The following ERBB4 variants were observed in gnomAD, a reference collection of about 807,000 sequenced individuals.
The protein encoded by ERBB4 is receptor tyrosine-protein kinase erbB-4.
ERBB4 carries 42 observed loss-of-function variants against 158.0 expected under a neutral mutation model. That is an observed-to-expected ratio of 0.27 (90% CI 0.21 to 0.34). The LOEUF is 0.34. ERBB4 is among the 10% of genes least tolerant of loss of function. The probability of loss-of-function intolerance (pLI) is 1.00; values close to 1 mark genes in which losing one functional copy is unlikely to be tolerated. For missense variants in ERBB4, 1,333 were observed against 1,624.1 expected, an observed-to-expected ratio of 0.82 and a Z score of 3.08; for synonymous variants, 583 against 558.7, an observed-to-expected ratio of 1.04 and a Z score of -0.61.
chr2:212,475,607 G>T lies in ERBB4; in HGVS notation c.82+62842C>A, dbSNP rs141475494. 1.8e-3 allele frequency among the ~76,000 whole-genome samples: 274 copies of T among 152,096 alleles called. 1 individual carries two copies. Among genetic ancestry groups the T allele is most frequent in the African/African-American group, 6.3e-3 (261 of 41,478 alleles). Reference sequence around the variant, plus strand: ...GAATATGCTATTATTACCTACTCATGAATCTCTTTCATTCTATGAGGGGAA... The same window carrying T: ...GAATATGCTATTATTACCTACTCATTAATCTCTTTCATTCTATGAGGGGAA... On this transcript the variant is annotated intron_variant, in intron 1 of 27. Transcript: ENST00000342788.
At chr2:212,457,715 A>C (rs1688369702) in intron 1 of ERBB4, among the ~76,000 whole-genome samples, 1 of 152,080 alleles carries the variant, frequency 6.6e-6, no homozygotes, top group South Asian at 2.1e-4. Flanking sequence ...GGCTAGAACC[A>C]TTTGAAAGGA....
intron 1 of ERBB4, among the ~76,000 whole-genome samples, chr2:212,534,024 C>T (rs184855185): frequency 5.9e-5 from 9 of 152,198 alleles, no homozygotes; most frequent in East Asian, 1.9e-4. Flanking sequence ...TCAGAAAATC[C>T]GTTTTGATCA....
rs536279016 is a variant in ERBB4, at chr2:211,458,866, G to A, written c.2488-27766C>T. Among the ~76,000 whole-genome samples, 70 of 152,204 alleles carry A rather than the reference G, an allele frequency of 4.6e-4. 2 individuals are homozygous for A. In the South Asian group the frequency reaches 0.015, roughly 32 times the overall value. ...GAATCTCCTGCAAACACTGAAATGA[G>A]CAAAGTCATAGTTTTCTGCAGCTCT... On this transcript the variant is annotated intron_variant, in intron 20 of 27. Coordinates refer to ENST00000342788, the MANE Select transcript of ERBB4 (RefSeq NM_005235.3).
chr2:211,716,361 T>C (rs2073900939), intron 7 of ERBB4, among the ~76,000 whole-genome samples: 1 of 31,010 alleles, frequency 3.2e-5, no homozygotes, highest in Non-Finnish European at 5.0e-5. Flanking sequence ...AAACTCTGTC[T>C]CAAAAAAAAA....
intron 15 of ERBB4, among the ~76,000 whole-genome samples, chr2:211,660,498 G>A (rs556539017): frequency 6.6e-6 from 1 of 152,344 alleles, no homozygotes; most frequent in East Asian, 1.9e-4. Flanking sequence ...ATCCTTGAGA[G>A]AATCCAAGAA....
chr2:211,862,172 A>G (rs775344861), intron 3 of ERBB4, among the ~76,000 whole-genome samples: 1 of 152,160 alleles, frequency 6.6e-6, no homozygotes, highest in Admixed American at 6.5e-5. Context: ...TAATCATTAG[A>G]TCTAGCAAGT....
rs554166190 is a variant in ERBB4 at position 212,108,792 on chromosome 2, A to G, written c.234+15960T>C. Among the ~76,000 whole-genome samples the G allele has an allele frequency of 1.5e-3, 220 of 149,912 alleles. 2 individuals are homozygous for G. Among genetic ancestry groups the G allele is most frequent in the Admixed American group, 4.3e-3 (64 of 15,044 alleles). ...TGAGGAAGTAGCGTCACATTTTAAG[A>G]AGACAGAAGAGTCACAAAGAATAAA... is the stretch of plus-strand genomic sequence containing the variant. On this transcript the variant is annotated intron_variant, in intron 2 of 27. Transcript: ENST00000342788.
chr2:212,036,543 C>A (rs2077018088), intron 2 of ERBB4, among the ~76,000 whole-genome samples: 1 of 151,622 alleles, frequency 6.6e-6, no homozygotes, highest in Non-Finnish European at 1.5e-5. Context: ...GGGCTCACTG[C>A]AAGCTCCATC....
At chr2:211,886,466 T>C in intron 3 of ERBB4, among the ~76,000 whole-genome samples, 1 of 152,312 alleles carries the variant, frequency 6.6e-6, no homozygotes, top group East Asian at 1.9e-4. Flanking sequence ...AAAAAAGTAC[T>C]TATATGTGAA....
At chr2:211,915,039 G>A (rs2079648629) in intron 3 of ERBB4, among the ~76,000 whole-genome samples, 1 of 152,088 alleles carries the variant, frequency 6.6e-6, no homozygotes, top group Non-Finnish European at 1.5e-5. Flanking sequence ...GGGAGAAGCA[G>A]AGACAAAGAT....
chr2:212,104,348 T>G (rs1231768728), intron 2 of ERBB4, among the ~76,000 whole-genome samples: 2 of 152,092 alleles, frequency 1.3e-5, no homozygotes, highest in South Asian at 2.1e-4. Context: ...ATATATGTCC[T>G]TGTGGAATTT....
chr2:212,226,704 G>T (rs2083482879), intron 1 of ERBB4, among the ~76,000 whole-genome samples: 1 of 152,010 alleles, frequency 6.6e-6, no homozygotes, highest in Non-Finnish European at 1.5e-5. Context: ...AGAACATAAA[G>T]TTGCTTTTTT....
intron 3 of ERBB4, among the ~76,000 whole-genome samples, chr2:211,826,776 C>T (rs2077108642): frequency 6.6e-6 from 1 of 151,934 alleles, no homozygotes; most frequent in African/African-American, 2.4e-5. Flanking sequence ...TCTCTAACAC[C>T]ACATACAAGA....
In ERBB4 at chr2:212,146,527, G is replaced by A. The variant is rs113383142; in HGVS notation, c.83-21624C>T. On this transcript the variant is annotated intron_variant, in intron 1 of 27. Coordinates refer to ENST00000342788, the MANE Select transcript of ERBB4 (RefSeq NM_005235.3). Reference sequence around the variant, plus strand: ...CTACTTGAAAAGTCAGCAAACTTGAGGACCAAGTGTCGCCTGGGGATCTAA... The same window carrying A: ...CTACTTGAAAAGTCAGCAAACTTGAAGACCAAGTGTCGCCTGGGGATCTAA... Among the ~76,000 whole-genome samples the A allele has an allele frequency of 6.6e-3, 1,011 of 152,234 alleles. 8 individuals are homozygous for A. The highest frequency in any genetic ancestry group is 0.024 in the Middle Eastern group (7 of 294).
At chr2:212,214,524 T>C (rs1167397596) in intron 1 of ERBB4, among the ~76,000 whole-genome samples, 2 of 151,764 alleles carry the variant, frequency 1.3e-5, no homozygotes, top group African/African-American at 2.4e-5. Context: ...GTGCTATATT[T>C]CATTAATAAT....
chr2:211,990,054 A>AT (rs2125251304), intron 2 of ERBB4, among the ~76,000 whole-genome samples: 1 of 151,778 alleles, frequency 6.6e-6, no homozygotes, highest in Admixed American at 6.6e-5. Context: ...GAAAAAAAAA[A>AT]TAGACAGAAT....
chr2:212,330,781 A>G (rs748801150), intron 1 of ERBB4, among the ~76,000 whole-genome samples: 48 of 151,566 alleles, frequency 3.2e-4, no homozygotes, highest in South Asian at 1.0e-3. Flanking sequence ...TTATTTTCAA[A>G]CCTTATGTTT....
chr2:211,844,111 C>A (rs1319674957), intron 3 of ERBB4, among the ~76,000 whole-genome samples: 3 of 145,530 alleles, frequency 2.1e-5, no homozygotes, highest in African/African-American at 7.6e-5. Context: ...ATTTCAAGTT[C>A]TATGTTAGTG....
chr2:211,573,712 A>C (rs901747442), intron 19 of ERBB4, among the ~76,000 whole-genome samples: 2 of 152,020 alleles, frequency 1.3e-5, no homozygotes, highest in Non-Finnish European at 2.9e-5. Context: ...AATATTAAAA[A>C]AAAATGTTTC....
Sources: gnomAD v4.1 joint callset for allele counts (sites outside exome capture counted in the v4.1 genomes callset) on GRCh38, gnomAD v4.1.1 for gene constraint, MANE v1.5 for transcripts, NCBI Gene and HGNC (gene_info 2026-07-23, HGNC 2026-07-21) for gene names.